ENPP3: variants seen among roughly 807,000 people sequenced by gnomAD.
The protein encoded by ENPP3 is ectonucleotide pyrophosphatase/phosphodiesterase family member 3.
A neutral mutation model predicts 117.8 loss-of-function variants in ENPP3; 104 were observed. The ratio of observed to expected loss-of-function variants is 0.88; its 90% CI spans 0.75 to 1.04. The LOEUF (loss-of-function observed/expected upper bound fraction) is 1.04, where lower values mean the gene tolerates loss of function less well. Among genes scored for constraint, ENPP3 ranks in the 50% least tolerant of loss-of-function variants. The pLI is 0.00. For missense variants in ENPP3, 1,026 were observed against 1,051.9 expected, an observed-to-expected ratio of 0.98 and a Z score of 0.34; for synonymous variants, 380 against 349.9, an observed-to-expected ratio of 1.09 and a Z score of -0.96.
chr6:131,658,453 A>T (rs1778431570), intron 6 of ENPP3, 33 bp downstream of exon 6: 3 of 1,106,930 alleles, frequency 2.7e-6, no homozygotes, highest in Admixed American at 1.7e-5. Context: ...CATGCAAATG[A>T]TAAAGACACC....
At chr6:131,678,172 A>T (rs1490584461) in intron 11 of ENPP3, among the ~76,000 whole-genome samples, 1 of 152,210 alleles carries the variant, frequency 6.6e-6, no homozygotes, top group Non-Finnish European at 1.5e-5. Flanking sequence ...TATATATTGA[A>T]TCATTTGAAA....
In ENPP3 at chr6:131,733,589, G is replaced by A; in HGVS notation, c.1955G>A (p.Gly652Glu). ...TTTTTTCTCTCTCTCTTTGAACAGG[G>A]AGACACATCGCCTCTGCCTCCCACT... ...MWSSYTVPQL[G>E]DTSPLPPTVP... Residue 652 changes from glycine (G) to glutamate (E), a missense_variant and splice_region_variant, in exon 21 of 25, where the codon GGA (glycine) becomes GAA (glutamate). Gly to Glu is a moderately conservative substitution (Grantham distance 98). Transcript: ENST00000357639. The A allele has an allele frequency of 3.7e-6, 6 of 1,612,218 alleles. No individual in the cohort carries two copies. Among genetic ancestry groups the A allele is most frequent in the Non-Finnish European group, 5.1e-6 (6 of 1,178,658 alleles).
At chr6:131,684,790 A>G (rs1200511417) in intron 12 of ENPP3, among the ~76,000 whole-genome samples, 5 of 152,092 alleles carry the variant, frequency 3.3e-5, no homozygotes, top group African/African-American at 9.7e-5. Context: ...AAATTACTTT[A>G]TACTTTTTTT....
At chr6:131,727,228 T>G (rs1206329067) in intron 20 of ENPP3, among the ~76,000 whole-genome samples, 1 of 152,032 alleles carries the variant, frequency 6.6e-6, no homozygotes, top group Non-Finnish European at 1.5e-5. Flanking sequence ...TGAATCACAA[T>G]TCAGGAATAT....
chr6:131,681,118 T>C (rs1270328300), intron 11 of ENPP3, among the ~76,000 whole-genome samples: 1 of 152,104 alleles, frequency 6.6e-6, no homozygotes, highest in Non-Finnish European at 1.5e-5. Context: ...AAACAGTAAC[T>C]CTCGCTGGCA....
At chr6:131,730,925 A>G (rs1476588894) in intron 20 of ENPP3, among the ~76,000 whole-genome samples, 2 of 152,012 alleles carry the variant, frequency 1.3e-5, no homozygotes, top group Non-Finnish European at 2.9e-5. Flanking sequence ...AAAAAAAAAA[A>G]AAAAAAATTA....
chr6:131,662,161 C>A (rs1451174533), intron 6 of ENPP3, among the ~76,000 whole-genome samples: 2 of 152,006 alleles, frequency 1.3e-5, no homozygotes, highest in Non-Finnish European at 2.9e-5. Context: ...CTATTATTTC[C>A]CCATTGTGTA....
intron 10 of ENPP3, among the ~76,000 whole-genome samples, chr6:131,677,062 A>G (rs958778162): frequency 1.3e-5 from 2 of 151,818 alleles, no homozygotes; most frequent in Non-Finnish European, 2.9e-5. Context: ...ACAGTGAGAT[A>G]CTGTCTCTAA....
Position 131,720,309 on chromosome 6 carries a change from T to G in ENPP3, c.1497T>G (p.His499Gln), listed in dbSNP as rs561993557. 8 of 1,596,072 alleles carry G rather than the reference T, an allele frequency of 5.0e-6. No individual in the cohort carries two copies. The Admixed American group carries it at 6.9e-5, about 14-fold the overall frequency. ...FRSMEAIFLA[H>Q]GPSFKEKTEV... Reference sequence around the variant, plus strand: ...TGACCTAGGCTATCTTTCTGGCACATGGACCCAGTTTTAAAGAGAAGACTG... The same window carrying G: ...TGACCTAGGCTATCTTTCTGGCACAGGGACCCAGTTTTAAAGAGAAGACTG... Residue 499 changes from histidine (H) to glutamine (Q), a missense_variant, in exon 17 of 25, where the codon CAT (histidine) becomes CAG (glutamine). By Grantham distance (24) the His-to-Gln change is conservative. Coordinates refer to ENST00000357639, the MANE Select transcript of ENPP3 (RefSeq NM_005021.5).
chr6:131,726,092 A>G lies in ENPP3; in HGVS notation c.1845A>G (p.Val615=), dbSNP rs147546700. ...ATTTGCCATTTGGGAGGCCTAGGGT[A>G]CTGCAGAAGAACGTGGACCACTGTC... ...KVNLPFGRPR[V]LQKNVDHCLL... The change falls in exon 20 of 25, where the codon GTA becomes GTG. Residue 615 remains valine, a synonymous_variant. Coordinates refer to ENST00000357639, the MANE Select transcript of ENPP3 (RefSeq NM_005021.5). 6.2e-7 allele frequency: 1 copy of G among 1,612,154 alleles called. No homozygotes were observed. Among genetic ancestry groups the G allele is most frequent in the Non-Finnish European group, 8.5e-7 (1 of 1,178,338 alleles).
intron 2 of ENPP3, 77 bp downstream of exon 2, chr6:131,641,607 C>T (rs1194982187): frequency 2.2e-6 from 2 of 923,248 alleles, no homozygotes; most frequent in Non-Finnish European, 3.5e-6. Context: ...AAATGTATCT[C>T]CCATCCCAAG....
At chr6:131,697,871 G>A (rs1285321894) in intron 15 of ENPP3, among the ~76,000 whole-genome samples, 1 of 152,122 alleles carries the variant, frequency 6.6e-6, no homozygotes, top group African/African-American at 2.4e-5. Flanking sequence ...TGTGAAACAG[G>A]GAAGCCTGTT....
chr6:131,643,870 T>C (rs1778102814), intron 2 of ENPP3, among the ~76,000 whole-genome samples: 1 of 151,686 alleles, frequency 6.6e-6, no homozygotes, highest in African/African-American at 2.4e-5. Context: ...ATGTATATAA[T>C]AAGATAAAGT....
chr6:131,681,629 TA>T (rs980372608), intron 11 of ENPP3, among the ~76,000 whole-genome samples: 9 of 152,148 alleles, frequency 5.9e-5, no homozygotes, highest in Non-Finnish European at 1.0e-4. Flanking sequence ...GTATAAACAA[TA>T]AAATAAAAAT....
chr6:131,722,879 G>A (rs1043988638), intron 18 of ENPP3, among the ~76,000 whole-genome samples: 4 of 152,176 alleles, frequency 2.6e-5, no homozygotes, highest in African/African-American at 9.7e-5. Context: ...GCTGACAGTT[G>A]ACACTGGGAA....
At chr6:131,710,630 C>A in intron 15 of ENPP3, 1 of 1,613,240 alleles carries the variant, frequency 6.2e-7, no homozygotes, top group South Asian at 1.1e-5. Context: ...TCACAGGTTG[C>A]CTCCAAACTT....
At position 131,658,998 on chromosome 6, in the gene ENPP3, G is replaced by C. The variant is rs375311495; in HGVS notation, c.562+578G>C. Reference sequence around the variant, plus strand: ...CACCTGATAGTATTACTGTGAGAATGTACAGGTAGCATTCAAAAAATAGCT... The same window carrying C: ...CACCTGATAGTATTACTGTGAGAATCTACAGGTAGCATTCAAAAAATAGCT... On this transcript the variant is annotated intron_variant, in intron 6 of 24. Coordinates refer to ENST00000357639, the MANE Select transcript of ENPP3 (RefSeq NM_005021.5). Among the ~76,000 whole-genome samples, 44 of 152,326 alleles carry C rather than the reference G, an allele frequency of 2.9e-4. 1 individual carries two copies. The East Asian group carries it at 3.3e-3, about 11-fold the overall frequency.
Position 131,683,080 on chromosome 6 carries a change from T to G in ENPP3, c.1038T>G (p.Asp346Glu). Residue 346 changes from aspartate to glutamate, a missense_variant, in exon 12 of 25, where the codon GAT becomes GAG. Asp to Glu is a conservative substitution (Grantham distance 45). Coordinates refer to ENST00000357639, the MANE Select transcript of ENPP3 (RefSeq NM_005021.5). The stretch of plus-strand genomic sequence containing the variant: ...TAATTAAAGCCTTACAGGTAGTAGA[T>G]CATGCTTTTGGGATGTTGATGGAAG... Reference protein sequence around the residue: ...ARVIKALQVVDHAFGMLMEGL... With the variant: ...ARVIKALQVVEHAFGMLMEGL... 6.2e-7 allele frequency: 1 copy of G among 1,610,684 alleles called. No homozygotes were observed. The highest frequency in any genetic ancestry group is 8.5e-7 in the Non-Finnish European group (1 of 1,176,984).
intron 23 of ENPP3, among the ~76,000 whole-genome samples, chr6:131,738,711 T>G (rs1780457106): frequency 6.6e-6 from 1 of 152,198 alleles, no homozygotes; most frequent in Admixed American, 6.5e-5. Flanking sequence ...TGCTAAGAAT[T>G]AGTTTTGAAT....
Sources: gnomAD v4.1 joint callset for allele counts (sites outside exome capture counted in the v4.1 genomes callset) on GRCh38, gnomAD v4.1.1 for gene constraint, MANE v1.5 for transcripts, NCBI Gene and HGNC (gene_info 2026-07-23, HGNC 2026-07-21) for gene names.